Variants in MPDZ observed in about 807,000 individuals in gnomAD.
MPDZ encodes multiple PDZ domain protein.
Under a neutral mutation model 239.1 loss-of-function variants are expected in MPDZ, and 234 were observed. The observed-to-expected ratio is 0.98, with a 90% confidence interval of 0.88 to 1.09. MPDZ has a LOEUF of 1.09. MPDZ is among the 50% of genes least tolerant of loss of function. The pLI, the probability that MPDZ is intolerant of heterozygous loss-of-function variation, is 0.00. For synonymous variants in MPDZ, 1,048 were observed against 881.3 expected (o/e 1.19, Z -3.35); for missense variants, 3,175 against 2,510.0 (o/e 1.26, Z -5.66).
chr9:13,183,485 G>C lies in MPDZ; in HGVS notation c.2582C>G (p.Ser861Cys), dbSNP rs1470491144. The C allele has an allele frequency of 1.2e-6, 2 of 1,612,426 alleles. No homozygotes were observed. ...SIYSTQASIL[S>C]LHGSSCGDGL... The stretch of plus-strand genomic sequence containing the variant: ...ATCACCACAAGAACTGCCATGAAGA[G>C]ATAAAATAGAGGCTTGAGTAGAGTA... Residue 861 changes from serine (S) to cysteine (C), a missense_variant, in exon 19 of 47, where the codon TCT (serine) becomes TGT (cysteine). Physicochemically the swap from Ser to Cys is moderately radical, Grantham distance 112 (BLOSUM62 -1). Transcript: ENST00000319217.
chr9:13,244,615 T>C (rs1348243178), intron 3 of MPDZ, among the ~76,000 whole-genome samples: 1 of 152,302 alleles, frequency 6.6e-6, no homozygotes, highest in South Asian at 2.1e-4. Context: ...AATATTTAAA[T>C]AGCACATCCC....
At chr9:13,242,472 G>A (rs927963200) in intron 3 of MPDZ, among the ~76,000 whole-genome samples, 4 of 151,666 alleles carry the variant, frequency 2.6e-5, no homozygotes, top group South Asian at 2.1e-4. Flanking sequence ...CAAGTGATCC[G>A]CCTGCCTTGG....
At chr9:13,234,240 A>G (rs1022601565) in intron 3 of MPDZ, among the ~76,000 whole-genome samples, 11 of 152,058 alleles carry the variant, frequency 7.2e-5, no homozygotes, top group African/African-American at 2.7e-4. Context: ...ATGATAATGC[A>G]CTCAATTTTA....
intron 32 of MPDZ, among the ~76,000 whole-genome samples, chr9:13,127,558 A>C (rs534823703): frequency 2.7e-4 from 41 of 152,356 alleles, no homozygotes; most frequent in South Asian, 1.7e-3. Context: ...AAAAGCAAAG[A>C]AAAGAAAAGA....
chr9:13,136,841 T>C (rs899843100), intron 29 of MPDZ, 38 bp from the exon 30 acceptor site: 1 of 1,298,208 alleles, frequency 7.7e-7, no homozygotes, highest in Non-Finnish European at 1.1e-6. Context: ...GCCTGAAATC[T>C]TAGTATCATA....
At position 13,121,867 on chromosome 9, in the gene MPDZ, T is replaced by G; in HGVS notation, c.5103A>C (p.Pro1701=). 1 of 1,613,890 alleles carries G rather than the reference T, an allele frequency of 6.2e-7. No individual in the cohort carries two copies. Among genetic ancestry groups the G allele is most frequent in the Non-Finnish European group, 8.5e-7 (1 of 1,179,802 alleles). Residue 1701 remains proline (P), a synonymous_variant, in exon 38 of 47, where the codon CCA becomes CCC. Coordinates refer to ENST00000319217, the MANE Select transcript of MPDZ (RefSeq NM_001378778.1). The stretch of plus-strand genomic sequence containing the variant: ...TGTAGAGTGTCAGGCGCACTCTCTG[T>G]GGCGTCTGTCTCAGGACATTGATTG... ...DEAINVLRQT[P]QRVRLTLYRD...
intron 1 of MPDZ, among the ~76,000 whole-genome samples, chr9:13,253,004 G>C (rs996205994): frequency 2.6e-5 from 4 of 152,058 alleles, no homozygotes; most frequent in Non-Finnish European, 5.9e-5. Context: ...ACATGTGTTT[G>C]GTATGCACAT....
intron 27 of MPDZ, chr9:13,140,963 A>G (rs1947579846): frequency 6.6e-6 from 1 of 152,156 alleles, no homozygotes. Context: ...TGTGAGCGGC[A>G]TGGTTTTAAG....
At chr9:13,262,570 TA>T (rs1970938487) in intron 1 of MPDZ, among the ~76,000 whole-genome samples, 1 of 150,068 alleles carries the variant, frequency 6.7e-6, no homozygotes, top group African/African-American at 2.5e-5. Flanking sequence ...AATGTACCAC[TA>T]AAAAAACAGA....
At chr9:13,137,798 AAATTT>A (rs1947048042) in intron 29 of MPDZ, among the ~76,000 whole-genome samples, 154 bp downstream of exon 29, 2 of 152,204 alleles carry the variant, frequency 1.3e-5, no homozygotes, top group Non-Finnish European at 2.9e-5. Context: ...TACTTGGTAG[AAATTT>A]GGTTTAGAGC....
At chr9:13,212,177 CTG>C (rs1190149558) in intron 10 of MPDZ, among the ~76,000 whole-genome samples, 3 of 151,912 alleles carry the variant, frequency 2.0e-5, no homozygotes, top group Non-Finnish European at 2.9e-5. Flanking sequence ...TGTTTAAAAA[CTG>C]TGTTTTTTTC....
intron 39 of MPDZ, among the ~76,000 whole-genome samples, chr9:13,117,330 G>C (rs1421070873): frequency 6.6e-6 from 1 of 152,028 alleles, no homozygotes; most frequent in Non-Finnish European, 1.5e-5. Flanking sequence ...AGGAGATTGA[G>C]ACCATCCTGG....
intron 8 of MPDZ, among the ~76,000 whole-genome samples, chr9:13,218,566 C>G (rs529359979): frequency 1.3e-4 from 20 of 151,788 alleles, no homozygotes; most frequent in Non-Finnish European, 2.7e-4. Flanking sequence ...AAATAGCAAC[C>G]AAATTCAATC....
At chr9:13,254,000 C>A (rs1968778689) in intron 1 of MPDZ, among the ~76,000 whole-genome samples, 1 of 152,212 alleles carries the variant, frequency 6.6e-6, no homozygotes, top group African/African-American at 2.4e-5. Context: ...GAGCCAGGTT[C>A]TTAACACAAG....
intron 42 of MPDZ, 107 bp downstream of exon 42, chr9:13,112,904 C>G: frequency 2.7e-6 from 3 of 1,104,726 alleles, no homozygotes. Flanking sequence ...AGAATACATA[C>G]TTTTTGAGAT....
At chr9:13,229,224 T>C (rs558350903) in intron 3 of MPDZ, among the ~76,000 whole-genome samples, 1 of 151,806 alleles carries the variant, frequency 6.6e-6, no homozygotes, top group Admixed American at 6.6e-5. Context: ...ACTTTAAAGG[T>C]ATCAAAAAGA....
chr9:13,133,337 T>C (rs1587071067), intron 32 of MPDZ, among the ~76,000 whole-genome samples: 1 of 152,200 alleles, frequency 6.6e-6, no homozygotes, highest in African/African-American at 2.4e-5. Context: ...TAATAGTCCA[T>C]GATAAAGACT....
chr9:13,147,486 A>G (rs1587241334), intron 26 of MPDZ, 62 bp downstream of exon 26: 2 of 1,252,934 alleles, frequency 1.6e-6, no homozygotes, highest in Non-Finnish European at 1.2e-6. Flanking sequence ...GGCCCTTGAT[A>G]CATTAGATTC....
chr9:13,247,160 G>A lies in MPDZ; in HGVS notation c.183+475C>T, dbSNP rs528122868. Among the ~76,000 whole-genome samples, 3 of 152,286 alleles carry A rather than the reference G, an allele frequency of 2.0e-5. No homozygotes were observed. In the East Asian group the frequency reaches 5.8e-4, roughly 29 times the overall value. ...AGTGAGAATTGCAATTCCTCTAACT[G>A]ATGACAATGTAATTATTCCTTTTAC... On this transcript the variant is annotated intron_variant, in intron 3 of 46. Transcript: ENST00000319217.
Sources: gnomAD v4.1 joint callset for allele counts (sites outside exome capture counted in the v4.1 genomes callset) on GRCh38, gnomAD v4.1.1 for gene constraint, MANE v1.5 for transcripts, NCBI Gene and HGNC (gene_info 2026-07-23, HGNC 2026-07-21) for gene names.